The following ETS1 variants were observed in gnomAD, a reference collection of about 807,000 sequenced individuals.
The protein encoded by ETS1 is ETS proto-oncogene 1, transcription factor.
In ETS1, 15 loss-of-function variants were observed where a neutral mutation model predicts 58.6. That is an observed-to-expected ratio of 0.26 (90% CI 0.17 to 0.39). The LOEUF is 0.39. ETS1 is among the 10% of genes least tolerant of loss of function. The probability of loss-of-function intolerance (pLI) is 1.00; values close to 1 mark genes in which losing one functional copy is unlikely to be tolerated. For synonymous variants in ETS1, 214 were observed against 218.2 expected, an observed-to-expected ratio of 0.98 and a Z score of 0.17; for missense variants, 417 against 610.5, an observed-to-expected ratio of 0.68 and a Z score of 3.34.
rs370869273 is a variant in ETS1, at chr11:128,460,220, A to C, written c.*2141T>G. The C allele has an allele frequency of 6.5e-6, 1 of 152,762 alleles. No individual in the cohort carries two copies. The highest frequency in any genetic ancestry group is 2.4e-5 in the African/African-American group (1 of 41,430). 9.5% of individuals were successfully genotyped at this position (152,762 alleles called of 1,614,324 possible). A position where few individuals can be genotyped will look rare whatever the true frequency, so the allele number is the denominator to read the frequency against. ...AATGTAGTCCAAACAGTTCCACCCAACACTCCCTGAGCAGCTCCTAAAATA... is the reference window on the plus strand; with the variant it reads ...AATGTAGTCCAAACAGTTCCACCCACCACTCCCTGAGCAGCTCCTAAAATA... On this transcript the variant is annotated 3_prime_UTR_variant, in exon 10 of 10. Coordinates refer to ENST00000392668, the MANE Select transcript of ETS1 (RefSeq NM_001143820.2).
At chr11:128,473,356 TA>T (rs1267476796) in intron 8 of ETS1, among the ~76,000 whole-genome samples, 1 of 152,254 alleles carries the variant, frequency 6.6e-6, no homozygotes, top group African/African-American at 2.4e-5. Context: ...AGCTAGCACT[TA>T]GAGCCTAGCT....
intron 8 of ETS1, among the ~76,000 whole-genome samples, chr11:128,467,808 G>A (rs903045460): frequency 2.6e-5 from 4 of 152,022 alleles, no homozygotes; most frequent in Non-Finnish European, 4.4e-5. Context: ...TTCTCAAGTC[G>A]AAGCTCTGAG....
chr11:128,494,321 C>T (rs1300765822), intron 3 of ETS1, among the ~76,000 whole-genome samples: 2 of 152,146 alleles, frequency 1.3e-5, no homozygotes, highest in Non-Finnish European at 2.9e-5. Context: ...TCCTTGGGAC[C>T]CCAAATTTCA....
At position 128,522,062 on chromosome 11, in the gene ETS1, G is replaced by A. The variant is rs978464444; in HGVS notation, c.215-31486C>T. On this transcript the variant is annotated intron_variant, in intron 3 of 9. Coordinates refer to ENST00000392668, the MANE Select transcript of ETS1 (RefSeq NM_001143820.2). ...AGTTACTGTTGTTTTTCTTTTTAAT[G>A]AGGATTAGTAACAGGGGGAAGGGGA... The A allele has an allele frequency of 4.0e-6, 6 of 1,484,634 alleles. No individual in the cohort carries two copies. The Admixed American group carries it at 1.1e-4, about 27-fold the overall frequency. The allele number at this position is 1,484,634 out of a possible 1,614,324, so 92.0% of individuals were successfully genotyped here.
At chr11:128,545,597 G>A (rs1298520742) in intron 3 of ETS1, among the ~76,000 whole-genome samples, 1 of 152,120 alleles carries the variant, frequency 6.6e-6, no homozygotes, top group Non-Finnish European at 1.5e-5. Flanking sequence ...TTAATGAATG[G>A]TAACCACTGT....
In ETS1 at chr11:128,460,553, C is replaced by G. The variant is rs1490448691; in HGVS notation, c.*1808G>C. 2 of 152,322 alleles carry G rather than the reference C, an allele frequency of 1.3e-5. No individual in the cohort carries two copies. Among genetic ancestry groups the G allele is most frequent in the Admixed American group, 6.5e-5 (1 of 15,286 alleles). The allele number at this position is 152,322 out of a possible 1,614,324, so 9.4% of individuals were successfully genotyped here. A position where few individuals can be genotyped will look rare whatever the true frequency, so the allele number is the denominator to read the frequency against. On this transcript the variant is annotated 3_prime_UTR_variant, in exon 10 of 10. Coordinates refer to ENST00000392668, the MANE Select transcript of ETS1 (RefSeq NM_001143820.2). Reference sequence around the variant, plus strand: ...CTTCTCTCATGGAAGTCCATAAAAGCCACCCCTCCTCCTTATCCTTTCAAC... The same window carrying G: ...CTTCTCTCATGGAAGTCCATAAAAGGCACCCCTCCTCCTTATCCTTTCAAC...
intron 8 of ETS1, among the ~76,000 whole-genome samples, chr11:128,476,494 T>C (rs11600746): frequency 0.1 from 15,899 of 152,342 alleles, 1,176 homozygotes; most frequent in Non-Finnish European, 0.16. Flanking sequence ...ATTACATACA[T>C]GGCCTTGAAT....
chr11:128,580,276 A>C (rs949162099), intron 1 of ETS1, among the ~76,000 whole-genome samples: 1 of 151,062 alleles, frequency 6.6e-6, no homozygotes, highest in African/African-American at 2.4e-5. Flanking sequence ...GCAAGATGGC[A>C]CTTTTCTCTA....
At position 128,489,513 on chromosome 11, in the gene ETS1, GA is replaced by G. The variant is rs776394257; in HGVS notation, c.335-24del. 3.9e-4 allele frequency: 619 copies of G among 1,605,946 alleles called. 1 individual carries two copies. The highest frequency in any genetic ancestry group is 3.4e-3 in the Middle Eastern group (17 of 4,960). ...GGTCTGAGGAAAGAGATCAGATGAA[GA>G]TCCAGCAGGTCGGGCTTTTAACTCC... On this transcript the variant is annotated intron_variant, in intron 4 of 9. Coordinates refer to ENST00000392668, the MANE Select transcript of ETS1 (RefSeq NM_001143820.2).
intron 3 of ETS1, chr11:128,522,385 T>G: frequency 1.0e-6 from 1 of 980,466 alleles, no homozygotes; most frequent in Non-Finnish European, 1.2e-6. Context: ...GCGCCGCGTC[T>G]CGGCCGCTGG....
At chr11:128,548,519 A>G (rs1432617486) in intron 3 of ETS1, among the ~76,000 whole-genome samples, 5 of 152,174 alleles carry the variant, frequency 3.3e-5, no homozygotes, top group Admixed American at 3.3e-4. Flanking sequence ...TTAAACGGTA[A>G]CGACACACAC....
intron 5 of ETS1, among the ~76,000 whole-genome samples, chr11:128,488,698 G>A (rs564772139): frequency 1.3e-5 from 2 of 152,200 alleles, no homozygotes; most frequent in Admixed American, 6.5e-5. Context: ...AAAAAGGTTG[G>A]AAGAGGCTGT....
intron 5 of ETS1, among the ~76,000 whole-genome samples, chr11:128,488,559 G>A (rs1862702223): frequency 6.6e-6 from 1 of 152,132 alleles, no homozygotes; most frequent in South Asian, 2.1e-4. Flanking sequence ...GAAGGGCACT[G>A]CTGACTGCTG....
chr11:128,474,993 G>A (rs1485086017), intron 8 of ETS1, among the ~76,000 whole-genome samples: 2 of 152,250 alleles, frequency 1.3e-5, no homozygotes, highest in Non-Finnish European at 2.9e-5. Flanking sequence ...CTCTGGGCCT[G>A]ACTTTAGCCA....
chr11:128,552,632 C>T (rs1324825988), intron 3 of ETS1, among the ~76,000 whole-genome samples: 5 of 152,288 alleles, frequency 3.3e-5, no homozygotes, highest in East Asian at 1.9e-4. Flanking sequence ...AAGTAAGCAT[C>T]GTATTTTCTG....
chr11:128,555,234 C>T (rs1305048190), intron 3 of ETS1, among the ~76,000 whole-genome samples: 2 of 152,196 alleles, frequency 1.3e-5, no homozygotes, highest in Non-Finnish European at 2.9e-5. Context: ...AGCATCTTGC[C>T]CTGCGTCTGT....
At chr11:128,537,577 A>C (rs147435963) in intron 3 of ETS1, among the ~76,000 whole-genome samples, 1 of 152,322 alleles carries the variant, frequency 6.6e-6, no homozygotes, top group African/African-American at 2.4e-5. Context: ...AACTGACATG[A>C]AATAAACTCC....
intron 2 of ETS1, among the ~76,000 whole-genome samples, chr11:128,558,411 G>A (rs1298197349): frequency 3.3e-5 from 5 of 152,158 alleles, no homozygotes; most frequent in Non-Finnish European, 5.9e-5. Context: ...TCGGGAGGCC[G>A]AGGAGGGTGA....
chr11:128,487,413 G>T (rs1349761859), intron 5 of ETS1, among the ~76,000 whole-genome samples: 2 of 152,150 alleles, frequency 1.3e-5, no homozygotes, highest in Non-Finnish European at 2.9e-5. Context: ...TATACAAAAA[G>T]CACAGGATGG....
Sources: gnomAD v4.1 joint callset for allele counts (sites outside exome capture counted in the v4.1 genomes callset) on GRCh38, gnomAD v4.1.1 for gene constraint, MANE v1.5 for transcripts, NCBI Gene and HGNC (gene_info 2026-07-23, HGNC 2026-07-21) for gene names.